SLC22A11: variants seen among roughly 807,000 people sequenced by gnomAD.
SLC22A11 encodes the protein organic anion transporter 4.
A neutral mutation model predicts 49.4 loss-of-function variants in SLC22A11; 42 were observed. The ratio of observed to expected loss-of-function variants is 0.85; its 90% CI spans 0.66 to 1.10. The LOEUF (loss-of-function observed/expected upper bound fraction) is 1.10, where lower values mean the gene tolerates loss of function less well. SLC22A11 is among the 50% of genes least tolerant of loss of function. The pLI is 0.00. For synonymous variants in SLC22A11, 304 were observed against 315.8 expected, an observed-to-expected ratio of 0.96 and a Z score of 0.40; for missense variants, 685 against 731.6, an observed-to-expected ratio of 0.94 and a Z score of 0.74.
At chr11:64,560,238 T>C (rs3782099) in intron 2 of SLC22A11, among the ~76,000 whole-genome samples, 67,964 of 151,774 alleles carry the variant, frequency 0.45, 16,261 homozygotes, top group Non-Finnish European at 0.54. Context: ...TCCCCTTGCC[T>C]GAGCCACCAT....
Position 64,564,308 on chromosome 11 carries a change from G to T in SLC22A11, c.822G>T (p.Trp274Cys). ...VPFFAISLIS[W>C]WLPESARWLI... The stretch of plus-strand genomic sequence containing the variant: ...CAGCTACACACCTGCCTCCTTACAG[G>T]TGGCTGCCAGAATCCGCCCGGTGGC... The change falls in exon 5 of 10, where the codon TGG (tryptophan) becomes TGT (cysteine). Residue 274 changes from tryptophan (W) to cysteine (C), a missense_variant and splice_region_variant. Trp to Cys is a radical substitution (Grantham distance 215). Transcript: ENST00000301891. This position sits in a 1 kb window ranked among gnomAD's most constrained non-coding sequence, Gnocchi z 4.2. 1.9e-6 allele frequency: 3 copies of T among 1,614,018 alleles called. No individual in the cohort carries two copies. The highest frequency in any genetic ancestry group is 2.5e-6 in the Non-Finnish European group (3 of 1,179,988).
chr11:64,564,580 C>A lies in SLC22A11; in HGVS notation c.942+152C>A. The A allele has an allele frequency of 1.2e-6, 1 of 855,726 alleles. No homozygotes were observed. The allele number at this position is 855,726 out of a possible 1,614,324, so 53.0% of individuals were successfully genotyped here. On this transcript the variant is annotated intron_variant, in intron 5 of 9. Transcript: ENST00000301891. This position sits in a 1 kb window ranked among gnomAD's most constrained non-coding sequence, Gnocchi z 4.2. ...CAGACACCACCAACACCTCCATCACCACCTCCACACAGACACCACCACCAC... is the reference window on the plus strand; with the variant it reads ...CAGACACCACCAACACCTCCATCACAACCTCCACACAGACACCACCACCAC...
At position 64,569,793 on chromosome 11, in the gene SLC22A11, G is replaced by T; in HGVS notation, c.1524G>T (p.Val508=). The change falls in exon 9 of 10, where the codon GTG becomes GTT. Residue 508 remains valine, a synonymous_variant. Transcript: ENST00000301891. The stretch of plus-strand genomic sequence containing the variant: ...TCTCCATTGCTTCCAGCCTGGTTGT[G>T]CTGTTCTTCCTCCCGGAGACCCAGG... ...GVISIASSLV[V]LFFLPETQGL... is the part of the protein sequence containing the mutation. 1 of 1,614,098 alleles carries T rather than the reference G, an allele frequency of 6.2e-7. No homozygotes were observed. Among genetic ancestry groups the T allele is most frequent in the Non-Finnish European group, 8.5e-7 (1 of 1,180,048 alleles).
chr11:64,571,997 C>T lies in SLC22A11; in HGVS notation c.*955C>T, dbSNP rs2038711223. On this transcript the variant is annotated 3_prime_UTR_variant, in exon 10 of 10. Coordinates refer to ENST00000301891, the MANE Select transcript of SLC22A11 (RefSeq NM_018484.4). ...TACAAGCGTAGGGATAAGAGGAACC[C>T]CTCTTGGTCCCCTCGATGAGGGTTG... is the stretch of plus-strand genomic sequence containing the variant. 1.3e-5 allele frequency: 2 copies of T among 152,356 alleles called. No homozygotes were observed. The highest frequency in any genetic ancestry group is 3.4e-3 in the Middle Eastern group (1 of 294). The allele number at this position is 152,356 out of a possible 1,614,324, so 9.4% of individuals were successfully genotyped here. A position where few individuals can be genotyped will look rare whatever the true frequency, so the allele number is the denominator to read the frequency against.
At chr11:64,560,954 TG>T (rs1269128934) in intron 2 of SLC22A11, among the ~76,000 whole-genome samples, 1 of 152,236 alleles carries the variant, frequency 6.6e-6, no homozygotes, top group Non-Finnish European at 1.5e-5. Flanking sequence ...TTCCCTTCTC[TG>T]GGCCTCAGTT....
intron 6 of SLC22A11, chr11:64,566,827 A>T (rs558588846): frequency 1.3e-5 from 2 of 152,330 alleles, no homozygotes; most frequent in African/African-American, 4.8e-5. Flanking sequence ...GAGAGCACAG[A>T]TTTTAAACGT....
rs1483834283 is a variant in SLC22A11 at position 64,556,292 on chromosome 11, C to A, written c.293C>A (p.Pro98His). The part of the protein sequence containing the change: ...FRQPQWQLLD[P>H]NATATSWSEA... ...CAGCCACAGTGGCAGCTCTTGGACC[C>A]CAATGCCACGGCCACCAGCTGGAGC... Residue 98 changes from proline (P) to histidine (H), a missense_variant, in exon 1 of 10, where the codon CCC (proline) becomes CAC (histidine). Coordinates refer to ENST00000301891, the MANE Select transcript of SLC22A11 (RefSeq NM_018484.4). 1 of 1,613,852 alleles carries A rather than the reference C, an allele frequency of 6.2e-7. No individual in the cohort carries two copies. The highest frequency in any genetic ancestry group is 8.5e-7 in the Non-Finnish European group (1 of 1,180,034).
At chr11:64,559,507 A>G (rs1452063252) in intron 2 of SLC22A11, among the ~76,000 whole-genome samples, 1 of 146,464 alleles carries the variant, frequency 6.8e-6, no homozygotes, top group Non-Finnish European at 1.5e-5. Context: ...TTCCTCTCCC[A>G]TACTCCTGCC....
chr11:64,567,096 C>T (rs1216226060), intron 6 of SLC22A11, among the ~76,000 whole-genome samples: 2 of 149,678 alleles, frequency 1.3e-5, no homozygotes, highest in Non-Finnish European at 2.9e-5. Flanking sequence ...AGGCTGCTCT[C>T]CCCAGAGAAG....
rs780371844 is a variant in SLC22A11 at position 64,568,683 on chromosome 11, G to C, written c.1287G>C (p.Leu429=). 1 of 1,614,116 alleles carries C rather than the reference G, an allele frequency of 6.2e-7. No individual in the cohort carries two copies. Among genetic ancestry groups the C allele is most frequent in the South Asian group, 1.1e-5 (1 of 91,084 alleles). ...TCCTGTACCCAGATTTGCAGACCCT[G>C]CGTGTGGTCTTTGCTGTGCTGGGAA... ...NMLVPQDLQT[L]RVVFAVLGKG... The change falls in exon 8 of 10, where the codon CTG becomes CTC. Residue 429 remains leucine (L), a synonymous_variant. Transcript: ENST00000301891.
intron 9 of SLC22A11, among the ~76,000 whole-genome samples, chr11:64,570,637 G>A (rs2038691153): frequency 1.3e-5 from 2 of 152,094 alleles, no homozygotes; most frequent in Admixed American, 1.3e-4. Context: ...AGTTCTTATT[G>A]TTTTATGTCA....
At chr11:64,567,873 C>A in intron 7 of SLC22A11, 60 bp downstream of exon 7, 1 of 1,496,988 alleles carries the variant, frequency 6.7e-7, no homozygotes, top group South Asian at 1.2e-5. Context: ...CCCCACTGCT[C>A]TGAGCGTGGG....
At chr11:64,559,990 T>C (rs1453908445) in intron 2 of SLC22A11, among the ~76,000 whole-genome samples, 2 of 151,980 alleles carry the variant, frequency 1.3e-5, no homozygotes, top group Non-Finnish European at 2.9e-5. Flanking sequence ...CAGGAAGCTG[T>C]TCTTGCTCCC....
In SLC22A11 at chr11:64,565,883, C is replaced by T. The variant is rs2038618637; in HGVS notation, c.1058+546C>T. ...AACACTTGGCTTACCGGCACTGTCA[C>T]TGCCAGGGCCCGCGCGACCAGACCC... is the stretch of plus-strand genomic sequence containing the variant. On this transcript the variant is annotated intron_variant, in intron 6 of 9. Transcript: ENST00000301891. This position sits in a 1 kb window ranked among gnomAD's most constrained non-coding sequence, Gnocchi z 4.1. The T allele has an allele frequency of 4.3e-6, 1 of 232,920 alleles. No individual in the cohort carries two copies. The highest frequency in any genetic ancestry group is 2.2e-5 in the African/African-American group (1 of 45,140). The allele number at this position is 232,920 out of a possible 1,614,324, so 14.4% of individuals were successfully genotyped here.
In SLC22A11 at chr11:64,565,356, C is replaced by T. The variant is rs1483787805; in HGVS notation, c.1058+19C>T. ...TGGTGAAGTACGCCGTCCTGGTGTC[C>T]CTCCCCAAGGCAGGGCTGGGACAGG... On this transcript the variant is annotated intron_variant, in intron 6 of 9. Transcript: ENST00000301891. The surrounding 1 kb of genome is among the most constrained non-coding windows in gnomAD (Gnocchi z 4.1). 2.1e-5 allele frequency: 33 copies of T among 1,540,370 alleles called. No homozygotes were observed. The highest frequency in any genetic ancestry group is 2.8e-5 in the Non-Finnish European group (32 of 1,141,916).
chr11:64,571,261 T>G lies in SLC22A11; in HGVS notation c.*219T>G. ...CCTGCCCTGATCAGATTCCCCACCT[T>G]ACCCGGGCCCTACAGGAGCCTGTGC... On this transcript the variant is annotated 3_prime_UTR_variant, in exon 10 of 10. Coordinates refer to ENST00000301891, the MANE Select transcript of SLC22A11 (RefSeq NM_018484.4). 1 of 569,274 alleles carries G rather than the reference T, an allele frequency of 1.8e-6. No homozygotes were observed. The highest frequency in any genetic ancestry group is 3.1e-6 in the Non-Finnish European group (1 of 319,578). The allele number at this position is 569,274 out of a possible 1,614,324, so 35.3% of individuals were successfully genotyped here.
At chr11:64,566,344 C>A (rs1484993998) in intron 6 of SLC22A11, 1 of 151,950 alleles carries the variant, frequency 6.6e-6, no homozygotes, top group Non-Finnish European at 1.5e-5. Flanking sequence ...CTATATTTAA[C>A]CACATATGGG....
At chr11:64,567,944 C>A in intron 7 of SLC22A11, 131 bp downstream of exon 7, 1 of 945,352 alleles carries the variant, frequency 1.1e-6, no homozygotes, top group Non-Finnish European at 1.6e-6. Context: ...ATGAGGGAGG[C>A]TATGAGGACC....
rs754205832 is a variant in SLC22A11 at position 64,567,595 on chromosome 11, G to T, written c.1059-4G>T. The T allele has an allele frequency of 1.2e-6, 2 of 1,613,146 alleles. No homozygotes were observed. Among genetic ancestry groups the T allele is most frequent in the African/African-American group, 2.7e-5 (2 of 74,916 alleles). ...AGGGACCTGACTTCCAGCCTTGCCC[G>T]CAGTTTCTCTCTATTGATCTCCTAC... is the stretch of plus-strand genomic sequence containing the variant. On this transcript the variant is annotated splice_polypyrimidine_tract_variant and splice_region_variant and intron_variant, in intron 6 of 9. Coordinates refer to ENST00000301891, the MANE Select transcript of SLC22A11 (RefSeq NM_018484.4).
Sources: allele counts gnomAD v4.1 joint callset (sites outside exome capture counted in the v4.1 genomes callset), GRCh38; gene constraint gnomAD v4.1.1; non-coding constraint Gnocchi (gnomAD v3.1); transcripts MANE v1.5; gene names NCBI Gene and HGNC (gene_info 2026-07-23, HGNC 2026-07-21).